PRSS55: variants seen among roughly 807,000 people sequenced by gnomAD.
PRSS55 encodes serine protease 55.
In PRSS55, 41 loss-of-function variants were observed where a neutral mutation model predicts 23.6. The ratio of observed to expected loss-of-function variants is 1.74; its 90% CI spans 1.35 to 2.26. The LOEUF (loss-of-function observed/expected upper bound fraction) is 2.26, where lower values mean the gene tolerates loss of function less well. Among genes scored for constraint, PRSS55 ranks in the 30% most tolerant of loss-of-function variants. The probability of loss-of-function intolerance (pLI) is 0.00; values close to 1 mark genes in which losing one functional copy is unlikely to be tolerated. For synonymous variants in PRSS55, 262 were observed against 175.5 expected, an observed-to-expected ratio of 1.49 and a Z score of -3.90; for missense variants, 669 against 439.1, an observed-to-expected ratio of 1.52 and a Z score of -4.68.
chr8:10,547,261 G>A (rs1212723142), intron 4 of PRSS55, among the ~76,000 whole-genome samples: 2 of 152,186 alleles, frequency 1.3e-5, no homozygotes, highest in Non-Finnish European at 2.9e-5. Context: ...GCCAGCCGGT[G>A]GCCTCTGACA....
chr8:10,531,366 C>G lies in PRSS55; in HGVS notation c.419C>G (p.Ala140Gly), dbSNP rs140619099. Residue 140 changes from alanine to glycine, a missense_variant, in exon 3 of 5, where the codon GCC becomes GGC. Ala to Gly is a moderately conservative substitution (Grantham distance 60, BLOSUM62 0). Coordinates refer to ENST00000328655, the MANE Select transcript of PRSS55 (RefSeq NM_198464.4). ...CCATCCATGGAAATAAAGGAGGTCG[C>G]CAGCATCATTCTTCACAAAGACTTT... ...TSPSMEIKEV[A>G]SIILHKDFKR... 1.1e-3 allele frequency: 1,819 copies of G among 1,614,196 alleles called. 13 individuals are homozygous for G. Among genetic ancestry groups the G allele is most frequent in the South Asian group, 8.9e-3 (807 of 91,088 alleles).
At chr8:10,553,966 A>G (rs1416604907) in exon 5 of PRSS55, 2 of 1,525,902 alleles carry the variant, frequency 1.3e-6, no homozygotes, top group Non-Finnish European at 1.7e-6. Context: ...CCACTTTACA[A>G]AGAATGAACA....
chr8:10,530,810 G>A (rs1447897748), intron 2 of PRSS55, among the ~76,000 whole-genome samples: 7 of 152,164 alleles, frequency 4.6e-5, no homozygotes, highest in African/African-American at 9.7e-5. Flanking sequence ...TCTGGGGTTC[G>A]GAATGTGGGC....
intron 4 of PRSS55, among the ~76,000 whole-genome samples, chr8:10,535,371 C>T (rs1017472677): frequency 1.3e-5 from 2 of 152,176 alleles, no homozygotes; most frequent in African/African-American, 4.8e-5. Flanking sequence ...AAAACTGACA[C>T]ATAGACCAAT....
At chr8:10,537,895 T>C (rs1217366944) in intron 4 of PRSS55, among the ~76,000 whole-genome samples, 3 of 152,184 alleles carry the variant, frequency 2.0e-5, no homozygotes, top group East Asian at 1.9e-4. Context: ...TATGTAGACG[T>C]GGGGCATGGC....
intron 4 of PRSS55, among the ~76,000 whole-genome samples, chr8:10,545,834 G>A (rs1056849838): frequency 1.6e-4 from 24 of 152,240 alleles, no homozygotes; most frequent in Non-Finnish European, 1.2e-4. Context: ...AATGCAAAGT[G>A]CATGTTTAAT....
chr8:10,546,316 G>C (rs973202356), intron 4 of PRSS55, among the ~76,000 whole-genome samples: 2 of 152,162 alleles, frequency 1.3e-5, no homozygotes, highest in Non-Finnish European at 2.9e-5. Context: ...GAACTAAACA[G>C]CCCCAGACAA....
rs899683851 is a variant in PRSS55 at position 10,548,761 on chromosome 8, G to T, written c.742-5182G>T. ...GACTTGGATCCGCAGGGCAGCCACA[G>T]GGCTCCCGTGCCCCCCTCCAGGCAG... On this transcript the variant is annotated intron_variant, in intron 4 of 4. Transcript: ENST00000522210. Among the ~76,000 whole-genome samples the T allele has an allele frequency of 2.4e-4, 25 of 103,450 alleles. No individual in the cohort carries two copies. In the Admixed American group the frequency reaches 2.4e-3, roughly 10 times the overall value. The allele number at this position is 103,450 out of a possible 152,430, so 67.9% of individuals were successfully genotyped here.
downstream of PRSS55, among the ~76,000 whole-genome samples, chr8:10,542,887 A>C (rs1383997357): frequency 6.6e-6 from 1 of 151,522 alleles, no homozygotes; most frequent in Non-Finnish European, 1.5e-5. Context: ...AAAAAAAAAA[A>C]AAAAAAAAAA....
At chr8:10,529,430 C>T (rs1296241827) in intron 1 of PRSS55, 77 bp from the exon 2 acceptor site, 2 of 1,469,234 alleles carry the variant, frequency 1.4e-6, no homozygotes, top group African/African-American at 1.4e-5. Flanking sequence ...CTGCTCCTCC[C>T]AGCCCGGTCC....
At chr8:10,525,776 C>A (rs750443967) in intron 1 of PRSS55, 37 bp downstream of exon 1, 26 of 1,548,204 alleles carry the variant, frequency 1.7e-5, no homozygotes, top group Non-Finnish European at 2.1e-5. Context: ...GATGGGGGCT[C>A]ATGGTCCAGC....
At chr8:10,529,809 C>T in intron 2 of PRSS55, 110 bp downstream of exon 2, 1 of 1,106,176 alleles carries the variant, frequency 9.0e-7, no homozygotes, top group Non-Finnish European at 1.3e-6. Flanking sequence ...GCTCGGTATC[C>T]AGTCGGCATG....
At chr8:10,544,546 TTTGG>T (rs1812765847) in intron 4 of PRSS55, among the ~76,000 whole-genome samples, 1 of 152,222 alleles carries the variant, frequency 6.6e-6, no homozygotes, top group African/African-American at 2.4e-5. Context: ...CATATGCCAT[TTTGG>T]TTGGTTTTCC....
intron 4 of PRSS55, among the ~76,000 whole-genome samples, chr8:10,546,281 G>A (rs112052943): frequency 4.0e-4 from 61 of 152,314 alleles, no homozygotes; most frequent in African/African-American, 1.4e-3. Flanking sequence ...CATGAGCAAA[G>A]CCTGCCATAC....
chr8:10,553,582 T>G (rs1433917306), intron 4 of PRSS55, among the ~76,000 whole-genome samples: 2 of 152,172 alleles, frequency 1.3e-5, no homozygotes, highest in Non-Finnish European at 2.9e-5. Context: ...CACTTACATA[T>G]GGAATCTAAA....
At chr8:10,548,464 G>A (rs1812873855) in intron 4 of PRSS55, among the ~76,000 whole-genome samples, 1 of 152,152 alleles carries the variant, frequency 6.6e-6, no homozygotes, top group East Asian at 1.9e-4. Context: ...TGGGGCCCTG[G>A]GCCCAGGCAT....
intron 4 of PRSS55, among the ~76,000 whole-genome samples, chr8:10,535,292 G>A (rs1207388830): frequency 6.6e-6 from 1 of 152,178 alleles, no homozygotes; most frequent in Non-Finnish European, 1.5e-5. Context: ...AAAGCTGGAG[G>A]CATCATGCTA....
rs1337491913 is a variant in PRSS55, at chr8:10,532,811, TGG to T, written c.599-91_599-90del. 9 of 1,504,952 alleles carry T rather than the reference TGG, an allele frequency of 6.0e-6. No homozygotes were observed. In the African/African-American group the frequency reaches 1.2e-4, roughly 21 times the overall value. 93.2% of individuals were successfully genotyped at this position (1,504,952 alleles called of 1,614,324 possible). On this transcript the variant is annotated intron_variant, in intron 3 of 4. Transcript: ENST00000328655. ...GCCTGTGAAGGAAGGGGATGGGGGC[TGG>T]GGGACACAGGGCCGAGGGCACAGTC...
At chr8:10,550,610 G>A (rs145642545) in intron 4 of PRSS55, among the ~76,000 whole-genome samples, 1 of 152,268 alleles carries the variant, frequency 6.6e-6, no homozygotes, top group East Asian at 1.9e-4. Context: ...CCCCACTTCT[G>A]AGACCGATTG....
Sources: gnomAD v4.1 joint callset for allele counts (sites outside exome capture counted in the v4.1 genomes callset) on GRCh38, gnomAD v4.1.1 for gene constraint, MANE v1.5 for transcripts, NCBI Gene and HGNC (gene_info 2026-07-23, HGNC 2026-07-21) for gene names.